LRP1: variants seen among roughly 807,000 people sequenced by gnomAD.
The protein encoded by LRP1 is LDL receptor related protein 1.
In LRP1, 51 loss-of-function variants were observed where a neutral mutation model predicts 541.5. The ratio of observed to expected loss-of-function variants is 0.09; its 90% CI spans 0.08 to 0.12. LRP1 has a LOEUF of 0.12. Among genes scored for constraint, LRP1 ranks in the 10% least tolerant of loss-of-function variants. The pLI is 1.00. For synonymous variants in LRP1, 2,219 were observed against 2,470.8 expected (o/e 0.90, Z 3.02); for missense variants, 3,878 against 6,376.2 (o/e 0.61, Z 13.34).
chr12:57,212,170 T>C lies in LRP1; in HGVS notation c.13403T>C (p.Ile4468Thr), dbSNP rs768428192. ...ACCAACGGGGCCATGAACGTGGAGA[T>C]TGGAAACCCCACCTACAAGATGTAC... The part of the protein sequence containing the change: ...RMTNGAMNVE[I>T]GNPTYKMYEG... The change falls in exon 88 of 89, where the codon ATT (isoleucine) becomes ACT (threonine). Residue 4468 changes from isoleucine to threonine, a missense_variant. Physicochemically the swap from Ile to Thr is moderately conservative, Grantham distance 89 (BLOSUM62 -1). Around this residue, in one of 13 missense-constraint regions of LRP1, gnomAD observed 871 missense variants for 1,212.4 expected, o/e 0.72. Coordinates refer to ENST00000243077, the MANE Select transcript of LRP1 (RefSeq NM_002332.3). This position sits in a 1 kb window ranked among gnomAD's most constrained non-coding sequence, Gnocchi z 5.0. 3 of 1,613,918 alleles carry C rather than the reference T, an allele frequency of 1.9e-6. No individual in the cohort carries two copies. The highest frequency in any genetic ancestry group is 1.7e-6 in the Non-Finnish European group (2 of 1,180,004).
At position 57,204,449 on chromosome 12, in the gene LRP1, C is replaced by A; in HGVS notation, c.10991C>A (p.Thr3664Asn). The A allele has an allele frequency of 6.4e-7, 1 of 1,562,914 alleles. No individual in the cohort carries two copies. The highest frequency in any genetic ancestry group is 1.2e-5 in the South Asian group (1 of 82,444). The change falls in exon 71 of 89, where the codon ACC becomes AAC. Residue 3664 changes from threonine to asparagine, a missense_variant. Thr to Asn is a moderately conservative substitution (Grantham distance 65). Coordinates refer to ENST00000243077, the MANE Select transcript of LRP1 (RefSeq NM_002332.3). This position sits in a 1 kb window ranked among gnomAD's most constrained non-coding sequence, Gnocchi z 5.3. The part of the protein sequence containing the change: ...CPLDEFQCNN[T>N]LCKPLAWKCD... Reference sequence around the variant, plus strand: ...CTGGACGAGTTCCAGTGCAACAACACCTTGTGCAAGCCGCTGGCCTGGAAG... The same window carrying A: ...CTGGACGAGTTCCAGTGCAACAACAACTTGTGCAAGCCGCTGGCCTGGAAG...
At chr12:57,202,600 C>T (rs2036681043) in intron 68 of LRP1, 63 bp downstream of exon 68, 1 of 1,342,230 alleles carries the variant, frequency 7.5e-7, no homozygotes, top group African/African-American at 1.5e-5. Context: ...GTCTCGCGGC[C>T]CTCCTGCCAC....
rs767127816 is a variant in LRP1, at chr12:57,183,822, C to T, written c.5842C>T (p.Arg1948Trp). ...WVDMGLSTISRAKRDQTWRED... is the reference protein window; with the variant it reads ...WVDMGLSTISWAKRDQTWRED... ...GGACATGGGCCTGAGCACGATCAGC[C>T]GGGCCAAGCGGGACCAGACGTGGCG... The change falls in exon 36 of 89, where the codon CGG becomes TGG. Residue 1948 changes from arginine to tryptophan, a missense_variant. This residue lies in a region of LRP1 where 394 missense variants were observed against 635.9 expected (regional missense o/e 0.62). Transcript: ENST00000243077. The surrounding 1 kb of genome is among the most constrained non-coding windows in gnomAD (Gnocchi z 6.1). 6 of 1,614,152 alleles carry T rather than the reference C, an allele frequency of 3.7e-6. No individual in the cohort carries two copies. The highest frequency in any genetic ancestry group is 1.7e-5 in the Admixed American group (1 of 60,024).
Position 57,173,077 on chromosome 12 carries a change from G to T in LRP1, c.3164-91G>T, listed in dbSNP as rs1047971968. 3.7e-6 allele frequency: 4 copies of T among 1,095,652 alleles called. No homozygotes were observed. The highest frequency in any genetic ancestry group is 5.2e-6 in the Non-Finnish European group (4 of 766,918). 67.9% of individuals were successfully genotyped at this position (1,095,652 alleles called of 1,614,324 possible). A position where few individuals can be genotyped will look rare whatever the true frequency, so the allele number is the denominator to read the frequency against. ...GGCCTGCCTCTGCTCATATCCCCAG[G>T]CTGGGCTTACCGGGGTGGCAGGGCA... On this transcript the variant is annotated intron_variant, in intron 20 of 88. Coordinates refer to ENST00000243077, the MANE Select transcript of LRP1 (RefSeq NM_002332.3). The surrounding 1 kb of genome is among the most constrained non-coding windows in gnomAD (Gnocchi z 4.7).
intron 10 of LRP1, among the ~76,000 whole-genome samples, chr12:57,157,400 G>T (rs2035642637): frequency 6.6e-6 from 1 of 152,124 alleles, no homozygotes; most frequent in East Asian, 1.9e-4. Flanking sequence ...CACTTGAGGT[G>T]AGGCGTTCCA....
chr12:57,149,773 A>C, intron 6 of LRP1: 2 of 710,628 alleles, frequency 2.8e-6, no homozygotes, highest in Non-Finnish European at 5.1e-6. Context: ...GTCGGGACCC[A>C]GCAGGAAACA....
chr12:57,191,195 G>C, intron 43 of LRP1, 125 bp from the exon 44 acceptor site: 3 of 1,141,064 alleles, frequency 2.6e-6, no homozygotes, highest in Non-Finnish European at 3.7e-6. Flanking sequence ...AGACGAGGGA[G>C]ATAGCAGGAT....
At chr12:57,149,906 A>G (rs987242136) in intron 6 of LRP1, 10 of 628,534 alleles carry the variant, frequency 1.6e-5, no homozygotes, top group East Asian at 2.7e-5. Flanking sequence ...ATCCCTGAGT[A>G]GGATTACTAG....
In LRP1 at chr12:57,176,013, A is replaced by T. The variant is rs1253239052; in HGVS notation, c.3898A>T (p.Ile1300Phe). 1 of 1,614,106 alleles carries T rather than the reference A, an allele frequency of 6.2e-7. No individual in the cohort carries two copies. Among genetic ancestry groups the T allele is most frequent in the Non-Finnish European group, 8.5e-7 (1 of 1,180,058 alleles). Reference protein sequence around the residue: ...SVLVPGLRNTIALDFHLSQSA... With the variant: ...SVLVPGLRNTFALDFHLSQSA... ...CCTGGTGCCCGGCCTGCGCAACACC[A>T]TCGCCCTGGACTTCCACCTCAGCCA... is the stretch of plus-strand genomic sequence containing the variant. The change falls in exon 24 of 89, where the codon ATC becomes TTC. Residue 1300 changes from isoleucine (I) to phenylalanine (F), a missense_variant. By Grantham distance (21) the Ile-to-Phe change is conservative. Coordinates refer to ENST00000243077, the MANE Select transcript of LRP1 (RefSeq NM_002332.3).
In LRP1 at chr12:57,197,703, C is replaced by T. The variant is rs2036567723; in HGVS notation, c.9282+39C>T. ...CCCTCGGCGACCAACACTGGCCCGC[C>T]TCAGATGACTGTTTTCAGATCGTCT... On this transcript the variant is annotated intron_variant, in intron 58 of 88. Transcript: ENST00000243077. The surrounding 1 kb of genome is among the most constrained non-coding windows in gnomAD (Gnocchi z 4.5). 1.2e-6 allele frequency: 2 copies of T among 1,601,648 alleles called. No individual in the cohort carries two copies. The highest frequency in any genetic ancestry group is 1.1e-5 in the South Asian group (1 of 90,344).
chr12:57,189,405 C>T lies in LRP1; in HGVS notation c.7032-1400C>T, dbSNP rs1246013148. Among the ~76,000 whole-genome samples, 1 of 152,150 alleles carries T rather than the reference C, an allele frequency of 6.6e-6. No individual in the cohort carries two copies. The highest frequency in any genetic ancestry group is 2.4e-5 in the African/African-American group (1 of 41,420). ...GGAGGCTAGAAGGACACGCCGCCTC[C>T]CTCCCAACTTACATCCCGATTCCAG... On this transcript the variant is annotated intron_variant, in intron 42 of 88. Coordinates refer to ENST00000243077, the MANE Select transcript of LRP1 (RefSeq NM_002332.3). The surrounding 1 kb of genome is among the most constrained non-coding windows in gnomAD (Gnocchi z 4.4).
chr12:57,197,589 G>A lies in LRP1; in HGVS notation c.9207G>A (p.Gln3069=). The change falls in exon 58 of 89, where the codon CAG becomes CAA. Residue 3069 remains glutamine (Q), a synonymous_variant. Coordinates refer to ENST00000243077, the MANE Select transcript of LRP1 (RefSeq NM_002332.3). The surrounding 1 kb of genome is among the most constrained non-coding windows in gnomAD (Gnocchi z 4.5). ...CCTTGGATTTTGACTACCGAGAGCA[G>A]ATGATCTACTGGACAGATGTGACCA... The part of the protein sequence containing the change: ...AVALDFDYRE[Q]MIYWTDVTTQ... 1.2e-6 allele frequency: 2 copies of A among 1,614,114 alleles called. No homozygotes were observed. Among genetic ancestry groups the A allele is most frequent in the Non-Finnish European group, 1.7e-6 (2 of 1,180,022 alleles).
chr12:57,201,245 A>G lies in LRP1; in HGVS notation c.10345+92A>G. 2 of 1,572,502 alleles carry G rather than the reference A, an allele frequency of 1.3e-6. No homozygotes were observed. Among genetic ancestry groups the G allele is most frequent in the Non-Finnish European group, 8.7e-7 (1 of 1,151,376 alleles). On this transcript the variant is annotated intron_variant, in intron 65 of 88. Coordinates refer to ENST00000243077, the MANE Select transcript of LRP1 (RefSeq NM_002332.3). The surrounding 1 kb of genome is among the most constrained non-coding windows in gnomAD (Gnocchi z 6.4). ...CCCCACAGCTTTGAGAGGCTCTCAA[A>G]TAACTTTAGTAGATGGGCAACACAA...
chr12:57,169,329 G>A (rs370677335), intron 20 of LRP1, 22 bp downstream of exon 20: 11 of 1,588,514 alleles, frequency 6.9e-6, no homozygotes, highest in Middle Eastern at 1.7e-4. Flanking sequence ...GGGCCCGTGG[G>A]GTGGGGATGA....
intron 1 of LRP1, among the ~76,000 whole-genome samples, chr12:57,130,041 C>T (rs2035006396): frequency 6.6e-6 from 1 of 152,136 alleles, no homozygotes. Context: ...TGCCTCTCTT[C>T]CCTTTTTTTG....
chr12:57,182,372 G>A (rs562795749), intron 34 of LRP1, among the ~76,000 whole-genome samples: 9 of 152,092 alleles, frequency 5.9e-5, no homozygotes, highest in African/African-American at 9.7e-5. Context: ...TTAGCTGGGC[G>A]TGGTGGTGGG....
intron 6 of LRP1, among the ~76,000 whole-genome samples, chr12:57,151,785 G>A (rs552074028): frequency 4.6e-4 from 70 of 152,340 alleles, no homozygotes; most frequent in African/African-American, 1.5e-3. Context: ...GTGATTGTGC[G>A]TGCATTTGTG....
rs1396391944 is a variant in LRP1 at position 57,198,247 on chromosome 12, C to T, written c.9374C>T (p.Thr3125Ile). 6.2e-7 allele frequency: 1 copy of T among 1,613,742 alleles called. No individual in the cohort carries two copies. The highest frequency in any genetic ancestry group is 8.5e-7 in the Non-Finnish European group (1 of 1,179,904). Residue 3125 changes from threonine to isoleucine, a missense_variant, in exon 59 of 89, where the codon ACC becomes ATC. Coordinates refer to ENST00000243077, the MANE Select transcript of LRP1 (RefSeq NM_002332.3). ...NLYWCDKGRD[T>I]IEVSKLNGAY... ...TACTGGTGCGACAAAGGCCGGGACA[C>T]CATCGAGGTGTCCAAGCTCAATGGG... is the stretch of plus-strand genomic sequence containing the variant.
At chr12:57,140,952 T>C (rs976745998) in intron 2 of LRP1, among the ~76,000 whole-genome samples, 2 of 152,170 alleles carry the variant, frequency 1.3e-5, no homozygotes, top group African/African-American at 4.8e-5. Context: ...CAGGCTCATC[T>C]TGAACTCCTG....
Sources: gnomAD v4.1 joint callset for allele counts (sites outside exome capture counted in the v4.1 genomes callset) on GRCh38, gnomAD v4.1.1 for gene constraint, gnomAD v4.1.1 regional missense constraint, Gnocchi (gnomAD v3.1) non-coding constraint, MANE v1.5 for transcripts, NCBI Gene and HGNC (gene_info 2026-07-23, HGNC 2026-07-21) for gene names.